PEX2: variants seen among roughly 807,000 people sequenced by gnomAD.
PEX2 encodes the protein peroxisomal biogenesis factor 2, also known as peroxisome biogenesis factor 2.
Under a neutral mutation model 25.2 loss-of-function variants are expected in PEX2, and 19 were observed. The ratio of observed to expected loss-of-function variants is 0.75; its 90% CI spans 0.53 to 1.10. The LOEUF (loss-of-function observed/expected upper bound fraction) is 1.10. Among genes scored for constraint, PEX2 ranks in the 50% least tolerant of loss-of-function variants. The pLI is 0.00. For synonymous variants in PEX2, 141 were observed against 127.7 expected (o/e 1.10, Z -0.70); for missense variants, 347 against 350.6 (o/e 0.99, Z 0.08).
rs372571873 is a variant in PEX2, at chr8:76,998,228, T to C, written c.-160+1762A>G. Among the ~76,000 whole-genome samples, 6 of 152,298 alleles carry C rather than the reference T, an allele frequency of 3.9e-5. No homozygotes were observed. The East Asian group carries it at 1.2e-3, about 29-fold the overall frequency. ...ATTATTTGATGTTGTGAGAAAAACATGGGGCTAGGACTGAGCTCTTTTAAT... is the reference window on the plus strand; with the variant it reads ...ATTATTTGATGTTGTGAGAAAAACACGGGGCTAGGACTGAGCTCTTTTAAT... On this transcript the variant is annotated intron_variant, in intron 1 of 3. Transcript: ENST00000357039.
chr8:76,997,983 T>G (rs1322816027), intron 1 of PEX2, among the ~76,000 whole-genome samples: 1 of 152,188 alleles, frequency 6.6e-6, no homozygotes, highest in African/African-American at 2.4e-5. Context: ...AAAAGGAACA[T>G]GAAACATTTA....
At chr8:76,992,100 T>C (rs1398556275) in intron 1 of PEX2, among the ~76,000 whole-genome samples, 2 of 152,108 alleles carry the variant, frequency 1.3e-5, no homozygotes. Context: ...TGTGTGCACG[T>C]GGGAGGGGCC....
At chr8:76,984,331 G>A (rs1455706829) in intron 3 of PEX2, 136 bp from the exon 4 acceptor site, 1 of 639,480 alleles carries the variant, frequency 1.6e-6, no homozygotes, top group African/African-American at 1.8e-5. Context: ...GTCTCAAATA[G>A]TACAGCGAAT....
chr8:77,000,372 A>AGTGTCGAGGACACCACT, upstream of PEX2: 1 of 195,044 alleles, frequency 5.1e-6, no homozygotes, highest in Non-Finnish European at 1.1e-5. Flanking sequence ...AGGACACTAC[A>AGTGTCGAGGACACCACT]AGTGTCGAGG....
At position 76,989,381 on chromosome 8, in the gene PEX2, T is replaced by C. The variant is rs1342439731; in HGVS notation, c.-159-1043A>G. Reference sequence around the variant, plus strand: ...TTAGAATCAACTTCTTACAAACTCCTGTTCATGTTGATATGTTGACCTTCT... The same window carrying C: ...TTAGAATCAACTTCTTACAAACTCCCGTTCATGTTGATATGTTGACCTTCT... On this transcript the variant is annotated intron_variant, in intron 1 of 3. Coordinates refer to ENST00000357039, the MANE Select transcript of PEX2 (RefSeq NM_000318.3). Among the ~76,000 whole-genome samples, 9 of 152,322 alleles carry C rather than the reference T, an allele frequency of 5.9e-5. No homozygotes were observed. The South Asian group carries it at 1.2e-3, about 21-fold the overall frequency.
intron 1 of PEX2, among the ~76,000 whole-genome samples, chr8:76,997,361 G>A (rs972333342): frequency 4.6e-5 from 7 of 152,182 alleles, no homozygotes; most frequent in African/African-American, 1.7e-4. Flanking sequence ...CTAAGGTGAG[G>A]AGTTCAAGAC....
At chr8:76,989,235 T>C (rs976154416) in intron 1 of PEX2, among the ~76,000 whole-genome samples, 4 of 151,980 alleles carry the variant, frequency 2.6e-5, no homozygotes, top group Non-Finnish European at 4.4e-5. Context: ...TATTATGAGA[T>C]TGTAGCAAAT....
chr8:76,999,773 G>T (rs534783743), intron 1 of PEX2: 1 of 451,542 alleles, frequency 2.2e-6, no homozygotes, highest in Admixed American at 2.4e-5. Flanking sequence ...TATTTTTAAT[G>T]CCGCGATCCT....
intron 1 of PEX2, among the ~76,000 whole-genome samples, chr8:76,990,182 T>C (rs191567519): frequency 1.4e-4 from 21 of 152,328 alleles, no homozygotes; most frequent in African/African-American, 4.6e-4. Flanking sequence ...CCTTTTCTTC[T>C]GCAGATTCCT....
chr8:76,993,666 T>C (rs899820015), intron 1 of PEX2, among the ~76,000 whole-genome samples: 1 of 152,222 alleles, frequency 6.6e-6, no homozygotes, highest in Non-Finnish European at 1.5e-5. Flanking sequence ...TTTTTAAAAA[T>C]TACAAGCTGC....
intron 1 of PEX2, among the ~76,000 whole-genome samples, chr8:76,989,881 A>G (rs1176015582): frequency 6.6e-6 from 1 of 152,240 alleles, no homozygotes; most frequent in Non-Finnish European, 1.5e-5. Context: ...AAGAGCCACC[A>G]GCTACATTAA....
rs1807089629 is a variant in PEX2, at chr8:76,989,123, G to A, written c.-159-785C>T. ...GAGTCCAGGAGATTGAGAGGCTGCAGTGAGCTGACTGTGCTGTTGTTCACC... is the reference window on the plus strand; with the variant it reads ...GAGTCCAGGAGATTGAGAGGCTGCAATGAGCTGACTGTGCTGTTGTTCACC... On this transcript the variant is annotated intron_variant, in intron 1 of 3. Transcript: ENST00000357039. Among the ~76,000 whole-genome samples the A allele has an allele frequency of 2.6e-5, 4 of 151,800 alleles. No homozygotes were observed. The South Asian group carries it at 6.2e-4, about 24-fold the overall frequency.
intron 3 of PEX2, among the ~76,000 whole-genome samples, chr8:76,984,883 A>C (rs187887286): frequency 6.6e-6 from 1 of 152,300 alleles, no homozygotes; most frequent in Non-Finnish European, 1.5e-5. Flanking sequence ...GGTACTAAAA[A>C]TGTATATATC....
chr8:76,995,686 T>C lies in PEX2; in HGVS notation c.-160+4304A>G, dbSNP rs114011411. On this transcript the variant is annotated intron_variant, in intron 1 of 3. Coordinates refer to ENST00000357039, the MANE Select transcript of PEX2 (RefSeq NM_000318.3). ...CAATACTTGGGCCTAGCTTTATAAGTATATTTTTAAGATAACAGCATGGCA... is the reference window on the plus strand; with the variant it reads ...CAATACTTGGGCCTAGCTTTATAAGCATATTTTTAAGATAACAGCATGGCA... 9.1e-3 allele frequency among the ~76,000 whole-genome samples: 1,392 copies of C among 152,310 alleles called. 23 individuals carry two copies. Among genetic ancestry groups the C allele is most frequent in the African/African-American group, 0.031 (1,308 of 41,560 alleles).
chr8:77,000,119 G>A, upstream of PEX2: 1 of 359,616 alleles, frequency 2.8e-6, no homozygotes, highest in South Asian at 2.0e-5. Context: ...GAGCGACGCA[G>A]GAGCCGGAAG....
chr8:76,999,500 TC>T (rs1490467875), intron 1 of PEX2, among the ~76,000 whole-genome samples: 7 of 152,218 alleles, frequency 4.6e-5, no homozygotes, highest in Non-Finnish European at 7.3e-5. Flanking sequence ...CATTATCTCT[TC>T]CTCCATAAGA....
intron 1 of PEX2, among the ~76,000 whole-genome samples, chr8:76,990,060 T>C (rs1807123477): frequency 6.6e-6 from 1 of 152,234 alleles, no homozygotes; most frequent in Non-Finnish European, 1.5e-5. Flanking sequence ...AGCTAAAGCT[T>C]CTGGATAACT....
At chr8:76,996,860 T>C (rs1807347590) in intron 1 of PEX2, among the ~76,000 whole-genome samples, 1 of 152,174 alleles carries the variant, frequency 6.6e-6, no homozygotes, top group Non-Finnish European at 1.5e-5. Context: ...TTTAAGAAGA[T>C]AAAAATTAAG....
upstream of PEX2, among the ~76,000 whole-genome samples, chr8:77,000,456 G>T (rs1378402218): frequency 6.6e-6 from 1 of 151,926 alleles, no homozygotes; most frequent in Non-Finnish European, 1.5e-5. Context: ...CCTCTGGCAG[G>T]CGCCGCCGGG....
Sources: allele counts gnomAD v4.1 joint callset (sites outside exome capture counted in the v4.1 genomes callset), GRCh38; gene constraint gnomAD v4.1.1; transcripts MANE v1.5; gene names NCBI Gene and HGNC (gene_info 2026-07-23, HGNC 2026-07-21).